Variants in CEP128 observed in about 807,000 individuals in gnomAD.
The protein encoded by CEP128 is centrosomal protein 128kDa.
A neutral mutation model predicts 156.7 loss-of-function variants in CEP128; 132 were observed. The ratio of observed to expected loss-of-function variants is 0.84; its 90% confidence interval spans 0.73 to 0.97. CEP128 has a LOEUF of 0.97. Ranked by LOEUF, CEP128 falls within the 50% of genes least tolerant of loss-of-function variation. The pLI is 0.00. For missense variants in CEP128, 1,252 were observed against 1,281.9 expected, an observed-to-expected ratio of 0.98 and a Z score of 0.36; for synonymous variants, 469 against 448.9, an observed-to-expected ratio of 1.04 and a Z score of -0.57.
intron 8 of CEP128, among the ~76,000 whole-genome samples, chr14:80,872,403 A>G (rs539242082): frequency 6.6e-6 from 1 of 152,344 alleles, no homozygotes; most frequent in East Asian, 1.9e-4. Context: ...AACACATCAA[A>G]TACTGACATA....
chr14:80,553,085 T>TTC (rs1167406588), intron 21 of CEP128, among the ~76,000 whole-genome samples: 2 of 151,816 alleles, frequency 1.3e-5, no homozygotes, highest in Admixed American at 6.6e-5. Context: ...CTTTCTTTCT[T>TTC]TTTTTTAATT....
intron 9 of CEP128, 61 bp from the exon 10 acceptor site, chr14:80,840,829 C>A (rs754611962): frequency 2.9e-6 from 3 of 1,019,174 alleles, no homozygotes; most frequent in Admixed American, 1.8e-5. Flanking sequence ...AAAGTCACTA[C>A]TAGAATTTAT....
At chr14:80,605,552 G>A (rs1394832131) in intron 19 of CEP128, among the ~76,000 whole-genome samples, 1 of 151,742 alleles carries the variant, frequency 6.6e-6, no homozygotes, top group Non-Finnish European at 1.5e-5. Flanking sequence ...TTCTTATTCA[G>A]ACTCTTTTTA....
At chr14:80,498,910 A>C (rs1446629155) in intron 24 of CEP128, among the ~76,000 whole-genome samples, 1 of 152,202 alleles carries the variant, frequency 6.6e-6, no homozygotes. Flanking sequence ...GGGATTTTCT[A>C]GCTGGTTTCT....
At chr14:80,752,687 T>A (rs327445) in intron 18 of CEP128, among the ~76,000 whole-genome samples, 2,044 of 152,308 alleles carry the variant, frequency 0.013, 54 homozygotes, top group African/African-American at 0.047. Flanking sequence ...TATATTCAAG[T>A]GTGGATTACA....
chr14:80,880,752 A>G (rs2139312550), intron 8 of CEP128, among the ~76,000 whole-genome samples: 1 of 149,682 alleles, frequency 6.7e-6, no homozygotes, highest in Non-Finnish European at 1.5e-5. Context: ...AGTCCCAGCT[A>G]CTCGGGAGGC....
chr14:80,659,950 C>A (rs1391156953), intron 19 of CEP128, among the ~76,000 whole-genome samples: 1 of 152,112 alleles, frequency 6.6e-6, no homozygotes, highest in African/African-American at 2.4e-5. Flanking sequence ...CCTAGACTTT[C>A]CTGGAATCCA....
At chr14:80,524,495 AAC>A (rs1306002135) in intron 23 of CEP128, among the ~76,000 whole-genome samples, 2 of 152,190 alleles carry the variant, frequency 1.3e-5, no homozygotes, top group African/African-American at 4.8e-5. Flanking sequence ...AGAAATGACT[AAC>A]ACAACTTTCT....
intron 2 of CEP128, among the ~76,000 whole-genome samples, chr14:80,926,952 CTA>C (rs147918289): frequency 0.024 from 3,583 of 152,326 alleles, 62 homozygotes; most frequent in Non-Finnish European, 0.038. Context: ...CTCACAGAGT[CTA>C]TGTCACTCTC....
intron 21 of CEP128, among the ~76,000 whole-genome samples, chr14:80,531,390 T>C (rs1353074939): frequency 1.3e-5 from 2 of 152,146 alleles, no homozygotes; most frequent in Admixed American, 6.6e-5. Context: ...TTGGGAGAAA[T>C]ATCTGAAATT....
intron 19 of CEP128, among the ~76,000 whole-genome samples, chr14:80,597,053 T>C (rs1892361461): frequency 6.8e-6 from 1 of 146,078 alleles, no homozygotes; most frequent in Non-Finnish European, 1.5e-5. Context: ...GTAATAAAGA[T>C]AAGAACAAAA....
intron 1 of CEP128, among the ~76,000 whole-genome samples, chr14:80,941,009 A>C (rs2139635434): frequency 6.6e-6 from 1 of 152,344 alleles, no homozygotes; most frequent in African/African-American, 2.4e-5. Context: ...GCTCCATCAA[A>C]CCAATAAAAG....
At chr14:80,880,901 TAATA>T (rs1314795408) in intron 8 of CEP128, among the ~76,000 whole-genome samples, 3 of 139,112 alleles carry the variant, frequency 2.2e-5, no homozygotes, top group Non-Finnish European at 4.6e-5. Context: ...ATAATAATAA[TAATA>T]ATAATTTCAG....
chr14:80,552,832 T>A (rs1462074686), intron 21 of CEP128, among the ~76,000 whole-genome samples: 1 of 152,176 alleles, frequency 6.6e-6, no homozygotes, highest in African/African-American at 2.4e-5. Context: ...TACAAATATA[T>A]CCTATGTGTG....
intron 2 of CEP128, among the ~76,000 whole-genome samples, chr14:80,938,756 C>T (rs1370408033): frequency 6.6e-6 from 1 of 151,964 alleles, no homozygotes; most frequent in Non-Finnish European, 1.5e-5. Flanking sequence ...TGATCTCTTA[C>T]CTCAATAATA....
chr14:80,547,956 G>C (rs1423636890), intron 21 of CEP128, among the ~76,000 whole-genome samples: 1 of 151,962 alleles, frequency 6.6e-6, no homozygotes, highest in African/African-American at 2.4e-5. Context: ...GCGCCACCAC[G>C]CCCAGCTAAT....
chr14:80,867,419 C>G (rs228120), intron 8 of CEP128, among the ~76,000 whole-genome samples: 104,357 of 152,102 alleles, frequency 0.69, 36,931 homozygotes, highest in African/African-American at 0.87. Context: ...ATTGACCACA[C>G]GAAGCTGAAA....
intron 8 of CEP128, among the ~76,000 whole-genome samples, chr14:80,865,153 C>T (rs1887707879): frequency 6.6e-6 from 1 of 152,148 alleles, no homozygotes; most frequent in African/African-American, 2.4e-5. Flanking sequence ...TTTTGGAGTC[C>T]ACATTTAAGT....
intron 9 of CEP128, among the ~76,000 whole-genome samples, chr14:80,843,097 ATGTT>A (rs1167113920): frequency 1.3e-5 from 2 of 152,050 alleles, no homozygotes; most frequent in Non-Finnish European, 2.9e-5. Flanking sequence ...GAAAAGAAAA[ATGTT>A]TGTAGACCTC....
Sources: allele counts gnomAD v4.1 joint callset (sites outside exome capture counted in the v4.1 genomes callset), GRCh38; gene constraint gnomAD v4.1.1; transcripts MANE v1.5; gene names NCBI Gene and HGNC (gene_info 2026-07-23, HGNC 2026-07-21).